LRRTM4: variants seen among roughly 807,000 people sequenced by gnomAD.
LRRTM4 encodes leucine rich repeat transmembrane neuronal 4.
A neutral mutation model predicts 47.6 loss-of-function variants in LRRTM4; 25 were observed. That is an observed-to-expected ratio of 0.53 (90% CI 0.38 to 0.73). The LOEUF (loss-of-function observed/expected upper bound fraction) is 0.73. Among genes scored for constraint, LRRTM4 ranks in the 30% least tolerant of loss-of-function variants. The pLI, the probability that LRRTM4 is intolerant of heterozygous loss-of-function variation, is 0.00. For missense variants in LRRTM4, 638 were observed against 713.4 expected (o/e 0.89, Z 1.20); for synonymous variants, 311 against 269.5 (o/e 1.15, Z -1.51).
intron 3 of LRRTM4, among the ~76,000 whole-genome samples, chr2:77,019,407 A>G (rs6732462): frequency 0.55 from 83,164 of 151,856 alleles, 24,693 homozygotes; most frequent in African/African-American, 0.78. Context: ...AGTCAGAATC[A>G]TGAGGTTTTA....
intron 3 of LRRTM4, among the ~76,000 whole-genome samples, chr2:77,342,207 C>T (rs180761253): frequency 1.3e-4 from 19 of 152,000 alleles, no homozygotes; most frequent in East Asian, 7.7e-4. Flanking sequence ...GATTGATGTA[C>T]GTAGAACAAA....
At chr2:77,264,814 T>C (rs1676008466) in intron 3 of LRRTM4, among the ~76,000 whole-genome samples, 1 of 152,150 alleles carries the variant, frequency 6.6e-6, no homozygotes, top group Non-Finnish European at 1.5e-5. Context: ...ACTGCTGTAC[T>C]AATAAGAATT....
At position 76,904,063 on chromosome 2, in the gene LRRTM4, T is replaced by G. The variant is rs1888709; in HGVS notation, c.1552-155147A>C. On this transcript the variant is annotated intron_variant, in intron 3 of 3. Transcript: ENST00000409884. Reference sequence around the variant, plus strand: ...CATTTAATATTTGCAGCAACACTGGTGACAGCTCTGATTCCCACCTACTCA... The same window carrying G: ...CATTTAATATTTGCAGCAACACTGGGGACAGCTCTGATTCCCACCTACTCA... Among the ~76,000 whole-genome samples, 1,344 of 152,340 alleles carry G rather than the reference T, an allele frequency of 8.8e-3. 39 individuals are homozygous for G. Among genetic ancestry groups the G allele is most frequent in the South Asian group, 0.073 (354 of 4,826 alleles).
intron 3 of LRRTM4, among the ~76,000 whole-genome samples, chr2:76,807,471 C>CATATATATATACACATATAT (rs1670553750): frequency 2.1e-5 from 2 of 97,482 alleles, no homozygotes; most frequent in African/African-American, 1.1e-4. Flanking sequence ...TATATATATA[C>CATATATATATACACATATAT]ATATATATAT....
intron 3 of LRRTM4, among the ~76,000 whole-genome samples, chr2:77,131,218 C>G (rs185518188): frequency 6.6e-6 from 1 of 152,010 alleles, no homozygotes; most frequent in South Asian, 2.1e-4. Context: ...TAAACAAAGC[C>G]GCAAGTAAAT....
chr2:77,107,969 T>G (rs556706927), intron 3 of LRRTM4, among the ~76,000 whole-genome samples: 2 of 152,058 alleles, frequency 1.3e-5, no homozygotes, highest in Non-Finnish European at 1.5e-5. Flanking sequence ...TTAGATATGA[T>G]GAAGTTTTGC....
chr2:77,077,322 G>A (rs573240740), intron 3 of LRRTM4, among the ~76,000 whole-genome samples: 2 of 152,206 alleles, frequency 1.3e-5, no homozygotes, highest in Non-Finnish European at 2.9e-5. Context: ...TGAGATGGGG[G>A]CAACTTGGTC....
intron 3 of LRRTM4, chr2:77,517,632 CA>C: frequency 1.1e-6 from 1 of 936,342 alleles, no homozygotes; most frequent in South Asian, 5.0e-5. Context: ...AACAAACAAA[CA>C]AAAAAAGAAG....
chr2:77,077,667 A>G (rs1680383123), intron 3 of LRRTM4, among the ~76,000 whole-genome samples: 1 of 152,106 alleles, frequency 6.6e-6, no homozygotes, highest in Non-Finnish European at 1.5e-5. Flanking sequence ...TAGCATTGTA[A>G]ATATGGCTCC....
At chr2:76,878,398 AT>A (rs1558708622) in intron 3 of LRRTM4, among the ~76,000 whole-genome samples, 2 of 152,130 alleles carry the variant, frequency 1.3e-5, no homozygotes, top group African/African-American at 4.8e-5. Flanking sequence ...GAAGAGTTCA[AT>A]ATGTCTAACT....
chr2:77,167,809 G>C (rs1313099406), intron 3 of LRRTM4, among the ~76,000 whole-genome samples: 1 of 152,070 alleles, frequency 6.6e-6, no homozygotes, highest in African/African-American at 2.4e-5. Context: ...CATGGGATGG[G>C]GGAAGGTGGG....
chr2:76,900,064 A>G (rs771650587), intron 3 of LRRTM4, among the ~76,000 whole-genome samples: 32 of 152,096 alleles, frequency 2.1e-4, no homozygotes, highest in Non-Finnish European at 4.3e-4. Context: ...CCCAGTCTCT[A>G]CTAAAAATAC....
At chr2:76,933,053 T>A (rs1674826330) in intron 3 of LRRTM4, among the ~76,000 whole-genome samples, 1 of 152,158 alleles carries the variant, frequency 6.6e-6, no homozygotes, top group South Asian at 2.1e-4. Context: ...CCTCACATCC[T>A]ATTTTTTTAT....
chr2:77,235,187 G>C (rs1055802282), intron 3 of LRRTM4, among the ~76,000 whole-genome samples: 1 of 152,002 alleles, frequency 6.6e-6, no homozygotes. Flanking sequence ...GTGCCACAAT[G>C]AGCATGTGAG....
At chr2:76,813,433 G>C (rs1670804578) in intron 3 of LRRTM4, among the ~76,000 whole-genome samples, 1 of 152,102 alleles carries the variant, frequency 6.6e-6, no homozygotes, top group Non-Finnish European at 1.5e-5. Flanking sequence ...GCCCAAGTCT[G>C]AAGACAATTT....
chr2:76,889,976 G>A (rs1478668724), intron 3 of LRRTM4, among the ~76,000 whole-genome samples: 1 of 151,934 alleles, frequency 6.6e-6, no homozygotes, highest in Non-Finnish European at 1.5e-5. Context: ...AGATGTATGA[G>A]TGCAGTGCAG....
intron 3 of LRRTM4, among the ~76,000 whole-genome samples, chr2:77,087,743 G>A (rs1023964902): frequency 3.0e-4 from 45 of 151,976 alleles, no homozygotes; most frequent in African/African-American, 1.0e-3. Flanking sequence ...ATGATACAAA[G>A]GTACATAGCA....
At chr2:76,913,247 G>A (rs931533794) in intron 3 of LRRTM4, among the ~76,000 whole-genome samples, 2 of 151,850 alleles carry the variant, frequency 1.3e-5, no homozygotes, top group African/African-American at 2.4e-5. Flanking sequence ...TTAGAAACAC[G>A]AAAATTTAGC....
At chr2:77,220,597 G>A (rs1674591213) in intron 3 of LRRTM4, among the ~76,000 whole-genome samples, 1 of 152,166 alleles carries the variant, frequency 6.6e-6, no homozygotes. Context: ...CTGGAAGAAA[G>A]GGTATCAGTG....
Sources: allele counts gnomAD v4.1 joint callset (sites outside exome capture counted in the v4.1 genomes callset), GRCh38; gene constraint gnomAD v4.1.1; transcripts MANE v1.5; gene names NCBI Gene and HGNC (gene_info 2026-07-23, HGNC 2026-07-21).